The following MYCBP2 variants were observed in gnomAD, a reference collection of about 807,000 sequenced individuals.
MYCBP2 encodes the protein MYC binding protein 2.
Under a neutral mutation model 525.3 loss-of-function variants are expected in MYCBP2, and 120 were observed. The ratio of observed to expected loss-of-function variants is 0.23; its 90% confidence interval spans 0.20 to 0.27. The LOEUF (loss-of-function observed/expected upper bound fraction) is 0.27, where lower values mean the gene tolerates loss of function less well. MYCBP2 is among the 10% of genes least tolerant of loss of function. The pLI, the probability that MYCBP2 is intolerant of heterozygous loss-of-function variation, is 1.00. For synonymous variants in MYCBP2, 1,894 were observed against 1,955.8 expected, an observed-to-expected ratio of 0.97 and a Z score of 0.83; for missense variants, 4,149 against 5,657.1, an observed-to-expected ratio of 0.73 and a Z score of 8.55.
intron 62 of MYCBP2, among the ~76,000 whole-genome samples, chr13:77,086,124 C>T (rs1195878783): frequency 1.3e-5 from 2 of 151,906 alleles, no homozygotes; most frequent in African/African-American, 4.8e-5. Flanking sequence ...TTTACACTTT[C>T]TTTTCTCTTC....
chr13:77,056,118 G>A (rs1261301981), intron 79 of MYCBP2, among the ~76,000 whole-genome samples: 8 of 142,528 alleles, frequency 5.6e-5, no homozygotes, highest in African/African-American at 1.7e-4. Context: ...GTGTGTGTGT[G>A]TGTGTGTGTG....
chr13:77,170,982 C>G (rs973297594), intron 38 of MYCBP2, among the ~76,000 whole-genome samples: 15 of 152,000 alleles, frequency 9.9e-5, no homozygotes, highest in Non-Finnish European at 5.9e-5. Flanking sequence ...GATATTAACC[C>G]TATATTAAAA....
intron 32 of MYCBP2, among the ~76,000 whole-genome samples, chr13:77,183,541 C>CT (rs60927409): frequency 0.13 from 8,538 of 65,908 alleles, 2,920 homozygotes; most frequent in South Asian, 0.23. Context: ...GTCCCTATTT[C>CT]TTTTTTTTTT....
chr13:77,258,866 T>A (rs1954499690), intron 13 of MYCBP2, among the ~76,000 whole-genome samples: 1 of 152,154 alleles, frequency 6.6e-6, no homozygotes, highest in African/African-American at 2.4e-5. Flanking sequence ...ATTATCTATT[T>A]TTTGCAGGTA....
chr13:77,167,025 A>ACCCCCC (rs66928059), intron 40 of MYCBP2, among the ~76,000 whole-genome samples: 1 of 113,008 alleles, frequency 8.8e-6, no homozygotes, highest in Non-Finnish European at 1.8e-5. Flanking sequence ...ACACACACAC[A>ACCCCCC]CCAAATGAAA....
rs1039298538 is a variant in MYCBP2, at chr13:77,168,554, A to G, written c.5988T>C (p.Asn1996=). Residue 1996 remains asparagine, a synonymous_variant, in exon 40 of 83, where the codon AAT becomes AAC. Coordinates refer to ENST00000544440, the MANE Select transcript of MYCBP2 (RefSeq NM_015057.5). The part of the protein sequence containing the change: ...QKYAPPAFNP[N]QSTDSTTGNQ... Reference sequence around the variant, plus strand: ...TTCCTGTGGTGCTATCTGTCGACTGATTAGGGTTGAAGGCAGGCGGTGCAT... The same window carrying G: ...TTCCTGTGGTGCTATCTGTCGACTGGTTAGGGTTGAAGGCAGGCGGTGCAT... 15 of 1,614,104 alleles carry G rather than the reference A, an allele frequency of 9.3e-6. No individual in the cohort carries two copies. The highest frequency in any genetic ancestry group is 1.3e-5 in the Non-Finnish European group (15 of 1,180,022).
At chr13:77,162,016 T>C (rs535641382) in intron 43 of MYCBP2, 61 bp from the exon 44 acceptor site, 12 of 1,154,232 alleles carry the variant, frequency 1.0e-5, no homozygotes, top group East Asian at 7.2e-5. Flanking sequence ...TTTAATTTTC[T>C]AGTCCTTTGC....
intron 34 of MYCBP2, 63 bp from the exon 35 acceptor site, chr13:77,178,017 T>G: frequency 9.9e-7 from 1 of 1,005,252 alleles, no homozygotes; most frequent in Non-Finnish European, 1.6e-6. Flanking sequence ...CATCCAAAGG[T>G]TTCTAAGAAG....
intron 61 of MYCBP2, among the ~76,000 whole-genome samples, chr13:77,088,072 C>T (rs1231313824): frequency 6.6e-6 from 1 of 152,096 alleles, no homozygotes; most frequent in Non-Finnish European, 1.5e-5. Flanking sequence ...GCATGGGCTA[C>T]TATGCTTGGC....
chr13:77,178,202 A>G (rs1423016028), intron 34 of MYCBP2, among the ~76,000 whole-genome samples: 1 of 152,210 alleles, frequency 6.6e-6, no homozygotes, highest in African/African-American at 2.4e-5. Flanking sequence ...CACTTAATTT[A>G]TAATGTCAGA....
At chr13:77,053,291 T>C (rs943904285) in intron 80 of MYCBP2, among the ~76,000 whole-genome samples, 5 of 152,226 alleles carry the variant, frequency 3.3e-5, no homozygotes, top group African/African-American at 1.2e-4. Context: ...AATAAAAATA[T>C]CATGATGGGT....
intron 26 of MYCBP2, among the ~76,000 whole-genome samples, chr13:77,205,029 C>T (rs2154275140): frequency 6.7e-6 from 1 of 148,386 alleles, no homozygotes; most frequent in Admixed American, 6.7e-5. Context: ...GCACATGTAC[C>T]CTAAAACTTA....
chr13:77,061,548 C>A, intron 75 of MYCBP2, 114 bp downstream of exon 75: 1 of 1,261,528 alleles, frequency 7.9e-7, no homozygotes, highest in Non-Finnish European at 1.1e-6. Context: ...TGAACTCAAC[C>A]AAGGTCTTTG....
At chr13:77,108,154 T>C (rs1198426174) in intron 55 of MYCBP2, among the ~76,000 whole-genome samples, 1 of 152,174 alleles carries the variant, frequency 6.6e-6, no homozygotes, top group African/African-American at 2.4e-5. Context: ...CCACATGATC[T>C]GAATGTGGAA....
chr13:77,186,279 T>G (rs1043920326), intron 30 of MYCBP2, among the ~76,000 whole-genome samples: 5 of 152,142 alleles, frequency 3.3e-5, no homozygotes, highest in Non-Finnish European at 7.4e-5. Flanking sequence ...ACAAAAAAGG[T>G]AAAGTAGTTA....
At chr13:77,154,610 G>A (rs2056985229) in intron 46 of MYCBP2, among the ~76,000 whole-genome samples, 1 of 151,990 alleles carries the variant, frequency 6.6e-6, no homozygotes, top group Non-Finnish European at 1.5e-5. Context: ...GTATGAACAT[G>A]GTATTAGAAT....
At chr13:77,055,917 T>A in intron 79 of MYCBP2, 150 bp from the exon 80 acceptor site, 1 of 644,090 alleles carries the variant, frequency 1.6e-6, no homozygotes, top group Non-Finnish European at 2.6e-6. Flanking sequence ...AAACATTCTG[T>A]AAATTCTTTA....
At position 77,078,810 on chromosome 13, in the gene MYCBP2, A is replaced by T; in HGVS notation, c.11484+14T>A. 1.2e-6 allele frequency: 2 copies of T among 1,612,108 alleles called. No individual in the cohort carries two copies. Among genetic ancestry groups the T allele is most frequent in the Non-Finnish European group, 1.7e-6 (2 of 1,178,458 alleles). On this transcript the variant is annotated intron_variant, in intron 66 of 82. Coordinates refer to ENST00000544440, the MANE Select transcript of MYCBP2 (RefSeq NM_015057.5). ...TCTAGGTAGCGAAACATTTAATGAC[A>T]AAATTTCAATTACCTGCTTTATTCT...
In MYCBP2 at chr13:77,065,974, A is replaced by G; in HGVS notation, c.12552+18T>C. The G allele has an allele frequency of 1.3e-6, 2 of 1,595,210 alleles. No homozygotes were observed. Among genetic ancestry groups the G allele is most frequent in the Non-Finnish European group, 1.7e-6 (2 of 1,167,684 alleles). On this transcript the variant is annotated intron_variant, in intron 72 of 82. Coordinates refer to ENST00000544440, the MANE Select transcript of MYCBP2 (RefSeq NM_015057.5). ...TCCTGCCGCACTTCACTGCCAAAACAGAAGAATGGGAACTTACTGCTGCCA... is the reference window on the plus strand; with the variant it reads ...TCCTGCCGCACTTCACTGCCAAAACGGAAGAATGGGAACTTACTGCTGCCA...
Sources: gnomAD v4.1 joint callset for allele counts (sites outside exome capture counted in the v4.1 genomes callset) on GRCh38, gnomAD v4.1.1 for gene constraint, MANE v1.5 for transcripts, NCBI Gene and HGNC (gene_info 2026-07-23, HGNC 2026-07-21) for gene names.